ARID4B: variants seen among roughly 807,000 people sequenced by gnomAD.
ARID4B encodes the protein AT-rich interaction domain 4B.
A neutral mutation model predicts 147.5 loss-of-function variants in ARID4B; 26 were observed. The observed-to-expected ratio is 0.18, with a 90% confidence interval of 0.13 to 0.24. ARID4B has a LOEUF of 0.24. Ranked by LOEUF, ARID4B falls within the 10% of genes least tolerant of loss-of-function variation. The pLI is 1.00. For synonymous variants in ARID4B, 512 were observed against 507.9 expected (o/e 1.01, Z -0.11); for missense variants, 1,179 against 1,511.5 (o/e 0.78, Z 3.65).
chr1:235,236,106 T>C (rs748172177), intron 8 of ARID4B, among the ~76,000 whole-genome samples: 14 of 152,150 alleles, frequency 9.2e-5, no homozygotes, highest in Non-Finnish European at 1.8e-4. Context: ...TGTTTTCTTA[T>C]GATGTTACTA....
intron 7 of ARID4B, 93 bp from the exon 8 acceptor site, chr1:235,240,544 A>G: frequency 8.4e-7 from 1 of 1,188,980 alleles, no homozygotes; most frequent in South Asian, 1.3e-5. Context: ...CTCTTATTAC[A>G]TTTCCTAAGA....
At chr1:235,233,117 G>A (rs1310974128) in intron 9 of ARID4B, among the ~76,000 whole-genome samples, 2 of 152,062 alleles carry the variant, frequency 1.3e-5, no homozygotes, top group Non-Finnish European at 2.9e-5. Flanking sequence ...GATTACAGGC[G>A]TGAGCCACCG....
chr1:235,319,115 C>T (rs1674642227), intron 2 of ARID4B, among the ~76,000 whole-genome samples: 1 of 151,980 alleles, frequency 6.6e-6, no homozygotes, highest in African/African-American at 2.4e-5. Flanking sequence ...ACAGCAAGAC[C>T]TCATCTCTAA....
In ARID4B at chr1:235,193,998, G is replaced by A. The variant is rs745339776; in HGVS notation, c.2125+15C>T. On this transcript the variant is annotated intron_variant, in intron 19 of 23. Transcript: ENST00000264183. ...AAATCAAATACTTGCACAACAGAAC[G>A]ATTGTTATGTTTACCTTGAAGTCCA... 10 of 1,529,296 alleles carry A rather than the reference G, an allele frequency of 6.5e-6. No individual in the cohort carries two copies. The African/African-American group carries it at 8.2e-5, about 13-fold the overall frequency. 94.7% of individuals were successfully genotyped at this position (1,529,296 alleles called of 1,614,324 possible).
intron 22 of ARID4B, among the ~76,000 whole-genome samples, chr1:235,173,763 AAAAAAAAAATATATATAT>A (rs1558165476): frequency 9.5e-5 from 5 of 52,504 alleles, no homozygotes; most frequent in African/African-American, 4.6e-4. Flanking sequence ...AAAAAAAAAA[AAAAAAAAAATATATATAT>A]ATATATATAT....
intron 3 of ARID4B, among the ~76,000 whole-genome samples, chr1:235,257,467 G>A (rs1301075276): frequency 6.6e-6 from 1 of 150,852 alleles, no homozygotes; most frequent in Non-Finnish European, 1.5e-5. Flanking sequence ...TGTTCCACAT[G>A]TCATTTTTTT....
intron 18 of ARID4B, among the ~76,000 whole-genome samples, chr1:235,194,529 T>TA (rs535673212): frequency 7.5e-4 from 114 of 152,066 alleles, no homozygotes; most frequent in Non-Finnish European, 1.4e-3. Context: ...AAATACTAAC[T>TA]AAAAAAAGAG....
intron 9 of ARID4B, among the ~76,000 whole-genome samples, chr1:235,232,032 C>A (rs1475427021): frequency 6.6e-6 from 1 of 151,332 alleles, no homozygotes; most frequent in Non-Finnish European, 1.5e-5. Flanking sequence ...AGGCAGGGAG[C>A]TGACTGGAAA....
intron 19 of ARID4B, among the ~76,000 whole-genome samples, chr1:235,188,080 T>C (rs1418189152): frequency 1.3e-5 from 2 of 152,134 alleles, no homozygotes; most frequent in African/African-American, 4.8e-5. Context: ...TGAGTGTCTA[T>C]TACACATATA....
At chr1:235,205,374 T>G (rs186637331) in intron 17 of ARID4B, among the ~76,000 whole-genome samples, 18 of 152,302 alleles carry the variant, frequency 1.2e-4, no homozygotes, top group Admixed American at 5.2e-4. Context: ...CCAATCAAAT[T>G]CATTCCAGTC....
At chr1:235,294,761 G>T (rs1386595530) in intron 2 of ARID4B, among the ~76,000 whole-genome samples, 1 of 151,272 alleles carries the variant, frequency 6.6e-6, no homozygotes, top group Admixed American at 6.6e-5. Flanking sequence ...TTATCCGCCC[G>T]CCTCAGCCTC....
chr1:235,265,983 G>C (rs745514007), intron 2 of ARID4B, among the ~76,000 whole-genome samples: 1 of 152,086 alleles, frequency 6.6e-6, no homozygotes, highest in African/African-American at 2.4e-5. Flanking sequence ...AATGGGTTAA[G>C]TCATAAAAAA....
At chr1:235,174,186 C>A (rs527493307) in intron 22 of ARID4B, among the ~76,000 whole-genome samples, 11 of 151,888 alleles carry the variant, frequency 7.2e-5, no homozygotes. Context: ...ACTACAAGCG[C>A]GTGCCACCAC....
chr1:235,306,667 T>G (rs1180675496), intron 2 of ARID4B, among the ~76,000 whole-genome samples: 1 of 152,116 alleles, frequency 6.6e-6, no homozygotes, highest in African/African-American at 2.4e-5. Flanking sequence ...AAAATCTCTT[T>G]TTTTAAGACA....
intron 23 of ARID4B, 68 bp downstream of exon 23, chr1:235,172,550 C>T (rs988598321): frequency 3.4e-6 from 4 of 1,179,332 alleles, no homozygotes; most frequent in African/African-American, 3.2e-5. Flanking sequence ...TGCACTCCAG[C>T]CTGGCGACAA....
Position 235,219,811 on chromosome 1 carries a change from T to C in ARID4B, c.1565A>G (p.Glu522Gly). ...TTCTTACCCAGATTTTGCTTTTTCT[T>C]CCTCAGCTTCTACCTTTATGTTGAG... ...ESLNIKVEAE[E>G]EKAKSGDETN... The change falls in exon 16 of 24, where the codon GAA becomes GGA. Residue 522 changes from glutamate (E) to glycine (G), a missense_variant. Coordinates refer to ENST00000264183, the MANE Select transcript of ARID4B (RefSeq NM_016374.6). 6.3e-7 allele frequency: 1 copy of C among 1,597,266 alleles called. No homozygotes were observed. Among genetic ancestry groups the C allele is most frequent in the South Asian group, 1.2e-5 (1 of 86,484 alleles).
At chr1:235,253,843 C>A (rs889942060) in intron 5 of ARID4B, among the ~76,000 whole-genome samples, 1 of 152,038 alleles carries the variant, frequency 6.6e-6, no homozygotes, top group Admixed American at 6.6e-5. Context: ...TTCTGCCTAC[C>A]TACTAAAATT....
At chr1:235,246,654 G>A (rs572338973) in intron 6 of ARID4B, 143 bp from the exon 7 acceptor site, 6 of 566,582 alleles carry the variant, frequency 1.1e-5, no homozygotes, top group African/African-American at 1.9e-5. Context: ...CTTTCCTAAA[G>A]ATAGAAAATT....
At chr1:235,293,819 T>C (rs1053521785) in intron 2 of ARID4B, among the ~76,000 whole-genome samples, 3 of 152,132 alleles carry the variant, frequency 2.0e-5, no homozygotes, top group African/African-American at 7.2e-5. Context: ...GCAAAAAATA[T>C]ATATATACCA....
Sources: gnomAD v4.1 joint callset for allele counts (sites outside exome capture counted in the v4.1 genomes callset) on GRCh38, gnomAD v4.1.1 for gene constraint, MANE v1.5 for transcripts, NCBI Gene and HGNC (gene_info 2026-07-23, HGNC 2026-07-21) for gene names.